RNGTT: variants seen among roughly 807,000 people sequenced by gnomAD.
RNGTT encodes the protein RNA guanylyltransferase and 5'-phosphatase, also known as mRNA-capping enzyme.
Under a neutral mutation model 79.3 loss-of-function variants are expected in RNGTT, and 33 were observed. The observed-to-expected ratio is 0.42, with a 90% CI of 0.32 to 0.56. The LOEUF (loss-of-function observed/expected upper bound fraction) is 0.56. Among genes scored for constraint, RNGTT ranks in the 20% least tolerant of loss-of-function variants. RNGTT has a pLI of 0.17. For synonymous variants in RNGTT, 222 were observed against 235.9 expected (o/e 0.94, Z 0.54); for missense variants, 497 against 739.1 (o/e 0.67, Z 3.80).
intron 1 of RNGTT, among the ~76,000 whole-genome samples, chr6:88,949,159 G>GAAAAAAAAAAAAAAAAAAAAAAGAAAA: frequency 2.0e-5 from 1 of 50,514 alleles, no homozygotes; most frequent in African/African-American, 7.9e-5. Context: ...AAAATAAAAT[G>GAAAAAAAAAAAAAAAAAAAAAAGAAAA]AAAAAAAAAA....
intron 6 of RNGTT, among the ~76,000 whole-genome samples, chr6:88,895,225 A>C (rs1028841542): frequency 1.6e-5 from 2 of 121,950 alleles, no homozygotes; most frequent in African/African-American, 6.6e-5. Context: ...TGTGAGAGAG[A>C]GCTCTGTGTG....
intron 13 of RNGTT, among the ~76,000 whole-genome samples, chr6:88,735,603 G>T (rs9351173): frequency 0.13 from 19,237 of 148,802 alleles, 1,400 homozygotes; most frequent in Middle Eastern, 0.24. Flanking sequence ...AAAAGAAAAA[G>T]CAGTCAAGAG....
At chr6:88,902,581 G>A (rs922496036) in intron 6 of RNGTT, among the ~76,000 whole-genome samples, 1 of 151,668 alleles carries the variant, frequency 6.6e-6, no homozygotes, top group Admixed American at 6.6e-5. Context: ...CAGCTTGACT[G>A]ACAGAGTAAG....
At chr6:88,652,311 GT>G (rs1773827630) in intron 14 of RNGTT, among the ~76,000 whole-genome samples, 1 of 152,062 alleles carries the variant, frequency 6.6e-6, no homozygotes, top group African/African-American at 2.4e-5. Flanking sequence ...ATTTAGCATA[GT>G]TTGCAAATCT....
At chr6:88,712,770 C>T (rs944746107) in intron 13 of RNGTT, among the ~76,000 whole-genome samples, 3 of 151,906 alleles carry the variant, frequency 2.0e-5, no homozygotes, top group Non-Finnish European at 4.4e-5. Context: ...ACATTATGAC[C>T]CAGCTTTATC....
intron 8 of RNGTT, among the ~76,000 whole-genome samples, chr6:88,884,228 C>A (rs1041135403): frequency 2.6e-5 from 4 of 152,044 alleles, no homozygotes; most frequent in Non-Finnish European, 5.9e-5. Flanking sequence ...TTTGTAATTA[C>A]AAAATACTGG....
chr6:88,688,132 T>G (rs1047397585), intron 13 of RNGTT, among the ~76,000 whole-genome samples: 1 of 152,190 alleles, frequency 6.6e-6, no homozygotes, highest in Non-Finnish European at 1.5e-5. Flanking sequence ...AACACTGTAC[T>G]TAAGTCAATA....
At chr6:88,942,682 A>T (rs1177607966) in intron 1 of RNGTT, among the ~76,000 whole-genome samples, 2 of 152,134 alleles carry the variant, frequency 1.3e-5, no homozygotes, top group African/African-American at 4.8e-5. Flanking sequence ...TACATTTTCA[A>T]ACACAATAAA....
intron 8 of RNGTT, among the ~76,000 whole-genome samples, chr6:88,866,579 T>C (rs975163257): frequency 6.6e-6 from 1 of 152,176 alleles, no homozygotes; most frequent in Non-Finnish European, 1.5e-5. Flanking sequence ...TATTTTACTA[T>C]CTCCTAAGGT....
At chr6:88,734,425 C>T (rs1486124335) in intron 13 of RNGTT, among the ~76,000 whole-genome samples, 1 of 151,826 alleles carries the variant, frequency 6.6e-6, no homozygotes, top group African/African-American at 2.4e-5. Context: ...AGAACAAGTA[C>T]AACAAATAAA....
intron 4 of RNGTT, among the ~76,000 whole-genome samples, chr6:88,916,943 T>C (rs1005491454): frequency 6.6e-6 from 1 of 152,222 alleles, no homozygotes; most frequent in East Asian, 1.9e-4. Context: ...TTGATGTGAT[T>C]GTACTTACTT....
chr6:88,957,775 T>TA (rs1562090412), intron 1 of RNGTT, among the ~76,000 whole-genome samples: 1 of 152,176 alleles, frequency 6.6e-6, no homozygotes, highest in East Asian at 1.9e-4. Context: ...TAGATGGGTA[T>TA]AATCAATACT....
At chr6:88,769,981 T>C in intron 12 of RNGTT, 107 bp from the exon 13 acceptor site, 2 of 682,104 alleles carry the variant, frequency 2.9e-6, no homozygotes, top group Middle Eastern at 4.1e-4. Context: ...ACTTCTTTTC[T>C]AAACATAATT....
intron 11 of RNGTT, among the ~76,000 whole-genome samples, chr6:88,827,564 C>T (rs1213704251): frequency 3.9e-5 from 6 of 152,164 alleles, no homozygotes; most frequent in African/African-American, 1.2e-4. Flanking sequence ...CCTGGAAAGG[C>T]GGCTGAAGCC....
intron 1 of RNGTT, among the ~76,000 whole-genome samples, chr6:88,950,503 T>C (rs180683056): frequency 4.7e-4 from 72 of 152,336 alleles, no homozygotes; most frequent in African/African-American, 1.6e-3. Flanking sequence ...GATTCACCAT[T>C]CTAGATGCCA....
chr6:88,626,335 T>G (rs751734300), intron 14 of RNGTT, among the ~76,000 whole-genome samples: 10 of 152,018 alleles, frequency 6.6e-5, no homozygotes, highest in Non-Finnish European at 1.2e-4. Flanking sequence ...TGTCCTTCTT[T>G]CCGCTAAGAA....
chr6:88,689,977 C>A (rs1775422622), intron 13 of RNGTT, among the ~76,000 whole-genome samples: 1 of 152,082 alleles, frequency 6.6e-6, no homozygotes, highest in Non-Finnish European at 1.5e-5. Flanking sequence ...AACACACCCC[C>A]TTCACTACCA....
intron 1 of RNGTT, among the ~76,000 whole-genome samples, chr6:88,957,075 TAAAC>T (rs1017801773): frequency 4.6e-5 from 7 of 152,192 alleles, no homozygotes; most frequent in Admixed American, 2.0e-4. Context: ...ATACGTCACA[TAAAC>T]AGAATTAAAA....
At chr6:88,810,313 C>A (rs1413651598) in intron 11 of RNGTT, among the ~76,000 whole-genome samples, 1 of 152,184 alleles carries the variant, frequency 6.6e-6, no homozygotes, top group Non-Finnish European at 1.5e-5. Context: ...AATGTCCCAG[C>A]TGCCTTTAAA....
Sources: allele counts gnomAD v4.1 joint callset (sites outside exome capture counted in the v4.1 genomes callset), GRCh38; gene constraint gnomAD v4.1.1; transcripts MANE v1.5; gene names NCBI Gene and HGNC (gene_info 2026-07-23, HGNC 2026-07-21).